IGSF3: variants seen among roughly 807,000 people sequenced by gnomAD.
IGSF3 encodes the protein glu-Trp-Ile EWI motif-containing protein 3.
A neutral mutation model predicts 114.4 loss-of-function variants in IGSF3; 23 were observed. The observed-to-expected ratio is 0.20, with a 90% confidence interval of 0.14 to 0.28. The LOEUF (loss-of-function observed/expected upper bound fraction) is 0.28. IGSF3 is among the 10% of genes least tolerant of loss of function. IGSF3 has a pLI of 1.00. For missense variants in IGSF3, 1,172 were observed against 1,591.5 expected (o/e 0.74, Z 4.48); for synonymous variants, 571 against 645.2 (o/e 0.88, Z 1.74).
rs1660995155 is a variant in IGSF3, at chr1:116,610,915, G to T, written c.833-2584C>A. Among the ~76,000 whole-genome samples, 1 of 152,182 alleles carries T rather than the reference G, an allele frequency of 6.6e-6. No individual in the cohort carries two copies. Among genetic ancestry groups the T allele is most frequent in the African/African-American group, 2.4e-5 (1 of 41,450 alleles). Reference sequence around the variant, plus strand: ...TTAGAATTTACAAAAACAAAAGGCAGCCAATGCTGCCACAAATGCAAAAGT... The same window carrying T: ...TTAGAATTTACAAAAACAAAAGGCATCCAATGCTGCCACAAATGCAAAAGT... On this transcript the variant is annotated intron_variant, in intron 4 of 10. Transcript: ENST00000369486. This position sits in a 1 kb window ranked among gnomAD's most constrained non-coding sequence, Gnocchi z 4.3.
At position 116,647,731 on chromosome 1, in the gene IGSF3, T is replaced by C. The variant is rs562759493; in HGVS notation, c.43+18553A>G. 1.4e-4 allele frequency among the ~76,000 whole-genome samples: 21 copies of C among 152,380 alleles called. No homozygotes were observed. Among genetic ancestry groups the C allele is most frequent in the African/African-American group, 5.0e-4 (21 of 41,596 alleles). ...CAAGACAAACAAACGAAAGGCCGAC[T>C]GACAGACCACTCGGGTAGCACTTTT... On this transcript the variant is annotated intron_variant, in intron 2 of 10. Transcript: ENST00000369486. The surrounding 1 kb of genome is among the most constrained non-coding windows in gnomAD (Gnocchi z 4.6).
At position 116,615,072 on chromosome 1, in the gene IGSF3, C is replaced by T. The variant is rs534383257; in HGVS notation, c.422-897G>A. On this transcript the variant is annotated intron_variant, in intron 3 of 10. Coordinates refer to ENST00000369486, the MANE Select transcript of IGSF3 (RefSeq NM_001007237.3). The surrounding 1 kb of genome is among the most constrained non-coding windows in gnomAD (Gnocchi z 4.3). The stretch of plus-strand genomic sequence containing the variant: ...GGCGGATCACCTGAGGTCGGGAGTT[C>T]GAGACCAGCCTGACCAACATGGAGA... 3.9e-5 allele frequency among the ~76,000 whole-genome samples: 6 copies of T among 152,064 alleles called. No homozygotes were observed. The highest frequency in any genetic ancestry group is 3.9e-4 in the East Asian group (2 of 5,146).
Position 116,582,867 on chromosome 1 carries a change from C to T in IGSF3, c.2848+1778G>A, listed in dbSNP as rs1420302772. On this transcript the variant is annotated intron_variant, in intron 9 of 10. Transcript: ENST00000369486. This position sits in a 1 kb window ranked among gnomAD's most constrained non-coding sequence, Gnocchi z 4.7. ...GCTAACCTTTCTTTTCAAAATTATA[C>T]TTTTCTGTTTTCCAATGTTTTGTAA... 6.6e-6 allele frequency among the ~76,000 whole-genome samples: 1 copy of T among 152,178 alleles called. No homozygotes were observed. Among genetic ancestry groups the T allele is most frequent in the African/African-American group, 2.4e-5 (1 of 41,436 alleles).
At chr1:116,656,798 G>T (rs1571196332) in intron 2 of IGSF3, among the ~76,000 whole-genome samples, 2 of 152,044 alleles carry the variant, frequency 1.3e-5, no homozygotes, top group African/African-American at 2.4e-5. Flanking sequence ...CGTGGTGGAG[G>T]GCACCTGTAA....
At chr1:116,602,419 T>C (rs1660631827) in intron 6 of IGSF3, among the ~76,000 whole-genome samples, 1 of 150,820 alleles carries the variant, frequency 6.6e-6, no homozygotes, top group African/African-American at 2.4e-5. Flanking sequence ...CCAAGTTCCA[T>C]CTCACTGGGT....
chr1:116,581,320 CTTTTTTTTTTTTT>C (rs955415319), intron 9 of IGSF3, among the ~76,000 whole-genome samples: 1 of 70,600 alleles, frequency 1.4e-5, no homozygotes, highest in Non-Finnish European at 2.8e-5. Flanking sequence ...GTTTTGCTGT[CTTTTTTTTTTTTT>C]TTTTTTTTTT....
chr1:116,645,411 T>A (rs548837740), intron 2 of IGSF3, among the ~76,000 whole-genome samples: 1 of 152,352 alleles, frequency 6.6e-6, no homozygotes, highest in South Asian at 2.1e-4. Context: ...AGAGGAATGG[T>A]CCATATTTGA....
chr1:116,659,475 G>T (rs960640482), intron 2 of IGSF3, among the ~76,000 whole-genome samples: 6 of 152,190 alleles, frequency 3.9e-5, no homozygotes, highest in African/African-American at 7.2e-5. Context: ...AAAATCAGGG[G>T]GCATTCACAC....
Position 116,579,037 on chromosome 1 carries a change from C to T in IGSF3, c.3334+355G>A, listed in dbSNP as rs572642061. On this transcript the variant is annotated intron_variant, in intron 10 of 10. Transcript: ENST00000369486. The surrounding 1 kb of genome is among the most constrained non-coding windows in gnomAD (Gnocchi z 6.4). ...TTCCCTTTCCCTTGTGAGTCTGAAA[C>T]GCTTGCTAATTCGCTAAAGACTAGT... Among the ~76,000 whole-genome samples, 17 of 152,240 alleles carry T rather than the reference C, an allele frequency of 1.1e-4. No homozygotes were observed. Among genetic ancestry groups the T allele is most frequent in the African/African-American group, 1.9e-4 (8 of 41,534 alleles).
At chr1:116,621,456 C>A (rs1661413466) in intron 2 of IGSF3, among the ~76,000 whole-genome samples, 2 of 152,162 alleles carry the variant, frequency 1.3e-5, no homozygotes, top group Non-Finnish European at 1.5e-5. Flanking sequence ...GCCACTGAAC[C>A]TGCCCCTTTC....
In IGSF3 at chr1:116,600,208, C is replaced by T. The variant is rs1425478468; in HGVS notation, c.1762G>A (p.Gly588Ser). The change falls in exon 7 of 11, where the codon GGC becomes AGC. Residue 588 changes from glycine (G) to serine (S), a missense_variant. Coordinates refer to ENST00000369486, the MANE Select transcript of IGSF3 (RefSeq NM_001007237.3). This position sits in a 1 kb window ranked among gnomAD's most constrained non-coding sequence, Gnocchi z 5.5. ...VSVTWRFQPVGTVEFHDLVTF... is the reference protein window; with the variant it reads ...VSVTWRFQPVSTVEFHDLVTF... The stretch of plus-strand genomic sequence containing the variant: ...ACCAAGTCATGGAACTCCACCGTGC[C>T]CACCGGCTGGAACCGCCATGTCACC... 2 of 1,614,180 alleles carry T rather than the reference C, an allele frequency of 1.2e-6. No homozygotes were observed. The highest frequency in any genetic ancestry group is 1.7e-6 in the Non-Finnish European group (2 of 1,180,036).
intron 7 of IGSF3, among the ~76,000 whole-genome samples, chr1:116,597,795 C>T (rs1660404334): frequency 6.6e-6 from 1 of 152,336 alleles, no homozygotes; most frequent in Non-Finnish European, 1.5e-5. Context: ...TACCTGGGCT[C>T]CAATCTCAGT....
At chr1:116,658,408 C>T (rs1648961492) in intron 2 of IGSF3, among the ~76,000 whole-genome samples, 1 of 151,984 alleles carries the variant, frequency 6.6e-6, no homozygotes, top group South Asian at 2.1e-4. Flanking sequence ...TTTGCTTCGA[C>T]CTCTGGGCCC....
rs766149270 is a variant in IGSF3, at chr1:116,579,734, C to T, written c.2992G>A (p.Gly998Arg). The T allele has an allele frequency of 2.5e-6, 4 of 1,614,078 alleles. No individual in the cohort carries two copies. Among genetic ancestry groups the T allele is most frequent in the Non-Finnish European group, 3.4e-6 (4 of 1,179,960 alleles). Residue 998 changes from glycine to arginine, a missense_variant, in exon 10 of 11, where the codon GGG (glycine) becomes AGG (arginine). Around this residue, in one of 3 missense-constraint regions of IGSF3, gnomAD observed 423 missense variants for 509.8 expected, o/e 0.83. Transcript: ENST00000369486. The surrounding 1 kb of genome is among the most constrained non-coding windows in gnomAD (Gnocchi z 6.4). ...AGGCCAGGGCTGCTCCTTTTCCCCCCAGCTTTAGTCCTCAGGGAATACCAG... is the reference window on the plus strand; with the variant it reads ...AGGCCAGGGCTGCTCCTTTTCCCCCTAGCTTTAGTCCTCAGGGAATACCAG... ...VAWYSLRTKAGGKRSSPGLEE... is the reference protein window; with the variant it reads ...VAWYSLRTKARGKRSSPGLEE...
intron 9 of IGSF3, among the ~76,000 whole-genome samples, chr1:116,581,722 G>T (rs563210692): frequency 6.6e-6 from 1 of 152,306 alleles, no homozygotes; most frequent in African/African-American, 2.4e-5. Context: ...GGCAGGCCCA[G>T]CTCTCTCAGG....
rs1165762632 is a variant in IGSF3 at position 116,627,766 on chromosome 1, G to A, written c.44-11309C>T. Among the ~76,000 whole-genome samples, 1 of 152,204 alleles carries A rather than the reference G, an allele frequency of 6.6e-6. No homozygotes were observed. Reference sequence around the variant, plus strand: ...GAAGCCCATGATAAGTCAGTCTGCTGTGTCCTTCAACACAGTGTCCCCACC... The same window carrying A: ...GAAGCCCATGATAAGTCAGTCTGCTATGTCCTTCAACACAGTGTCCCCACC... On this transcript the variant is annotated intron_variant, in intron 2 of 10. Coordinates refer to ENST00000369486, the MANE Select transcript of IGSF3 (RefSeq NM_001007237.3). The surrounding 1 kb of genome is among the most constrained non-coding windows in gnomAD (Gnocchi z 4.7).
Position 116,654,411 on chromosome 1 carries a change from C to T in IGSF3, c.43+11873G>A, listed in dbSNP as rs1417032229. On this transcript the variant is annotated intron_variant, in intron 2 of 10. Coordinates refer to ENST00000369486, the MANE Select transcript of IGSF3 (RefSeq NM_001007237.3). The surrounding 1 kb of genome is among the most constrained non-coding windows in gnomAD (Gnocchi z 4.4). ...TCTCTGAGAAAAGTGCAGATCAATG[C>T]CTCCTTAGGGTTAACCCCAGGTTGG... Among the ~76,000 whole-genome samples, 3 of 152,218 alleles carry T rather than the reference C, an allele frequency of 2.0e-5. No individual in the cohort carries two copies. The highest frequency in any genetic ancestry group is 4.4e-5 in the Non-Finnish European group (3 of 68,032).
In IGSF3 at chr1:116,584,576, G is replaced by A; in HGVS notation, c.2848+69C>T. 1.4e-6 allele frequency: 2 copies of A among 1,410,590 alleles called. No individual in the cohort carries two copies. Among genetic ancestry groups the A allele is most frequent in the Non-Finnish European group, 2.0e-6 (2 of 1,001,438 alleles). 87.4% of individuals were successfully genotyped at this position (1,410,590 alleles called of 1,614,324 possible). On this transcript the variant is annotated intron_variant, in intron 9 of 10. Transcript: ENST00000369486. The surrounding 1 kb of genome is among the most constrained non-coding windows in gnomAD (Gnocchi z 5.8). ...TTTATTAATAAACTAATTTTATCCAGTGCATAAAACAGTATACTTAAATGG... is the reference window on the plus strand; with the variant it reads ...TTTATTAATAAACTAATTTTATCCAATGCATAAAACAGTATACTTAAATGG...
rs1443742088 is a variant in IGSF3, at chr1:116,636,764, AC to A, written c.44-20308del. Among the ~76,000 whole-genome samples, 1 of 150,766 alleles carries A rather than the reference AC, an allele frequency of 6.6e-6. No homozygotes were observed. Among genetic ancestry groups the A allele is most frequent in the East Asian group, 2.0e-4 (1 of 5,122 alleles). ...ACCCAGCTTTCTCACCACCCACCCC[AC>A]CCCTTCCACACTCCAAAGACAGCAT... On this transcript the variant is annotated intron_variant, in intron 2 of 10. Transcript: ENST00000369486. This position sits in a 1 kb window ranked among gnomAD's most constrained non-coding sequence, Gnocchi z 4.5.
Sources: allele counts gnomAD v4.1 joint callset (sites outside exome capture counted in the v4.1 genomes callset), GRCh38; gene constraint gnomAD v4.1.1; regional missense constraint gnomAD v4.1.1; non-coding constraint Gnocchi (gnomAD v3.1); transcripts MANE v1.5; gene names NCBI Gene and HGNC (gene_info 2026-07-23, HGNC 2026-07-21).